PRDM16: variants seen among roughly 807,000 people sequenced by gnomAD.
PRDM16 encodes histone-lysine N-methyltransferase PRDM16.
Under a neutral mutation model 110.6 loss-of-function variants are expected in PRDM16, and 23 were observed. The ratio of observed to expected loss-of-function variants is 0.21; its 90% CI spans 0.15 to 0.29. The LOEUF (loss-of-function observed/expected upper bound fraction) is 0.29. Among genes scored for constraint, PRDM16 ranks in the 10% least tolerant of loss-of-function variants. The pLI, the probability that PRDM16 is intolerant of heterozygous loss-of-function variation, is 1.00. For synonymous variants in PRDM16, 799 were observed against 781.8 expected, an observed-to-expected ratio of 1.02 and a Z score of -0.37; for missense variants, 1,615 against 1,794.3, an observed-to-expected ratio of 0.90 and a Z score of 1.81.
At chr1:3,184,046 T>C (rs915862464) in intron 1 of PRDM16, among the ~76,000 whole-genome samples, 2 of 150,522 alleles carry the variant, frequency 1.3e-5, no homozygotes, top group African/African-American at 4.9e-5. Flanking sequence ...GGGCGGGGGT[T>C]ATGGGGGTGT....
At chr1:3,402,651 G>A (rs1569692817) in intron 5 of PRDM16, 140 bp from the exon 6 acceptor site, 1 of 683,288 alleles carries the variant, frequency 1.5e-6, no homozygotes, top group East Asian at 2.7e-5. Context: ...TTGAAGGCTG[G>A]AAGGAAGCAG....
chr1:3,072,467 C>G lies in PRDM16; in HGVS notation c.37+3171C>G, dbSNP rs577105125. The stretch of plus-strand genomic sequence containing the variant: ...TCCTCTCCACAAGTCCCATCTAGCC[C>G]CTGGGGTGGGGGAGCTGCAGCCCCC... On this transcript the variant is annotated intron_variant, in intron 1 of 16. Transcript: ENST00000270722. 2.6e-5 allele frequency among the ~76,000 whole-genome samples: 4 copies of G among 152,306 alleles called. No homozygotes were observed. In the South Asian group the frequency reaches 6.2e-4, roughly 24 times the overall value.
At chr1:3,131,794 C>T (rs921106705) in intron 1 of PRDM16, among the ~76,000 whole-genome samples, 1 of 152,174 alleles carries the variant, frequency 6.6e-6, no homozygotes, top group African/African-American at 2.4e-5. Flanking sequence ...GCCCAGGCTG[C>T]GTCCTGCAGT....
intron 3 of PRDM16, among the ~76,000 whole-genome samples, chr1:3,351,592 CT>C (rs1331770294): frequency 1.6e-3 from 9 of 5,612 alleles, no homozygotes; most frequent in Admixed American, 2.7e-3. Context: ...CCCTCCCTCT[CT>C]CTTCCCCTCC....
intron 1 of PRDM16, among the ~76,000 whole-genome samples, chr1:3,082,203 G>A (rs915078723): frequency 5.9e-5 from 9 of 152,158 alleles, no homozygotes; most frequent in African/African-American, 9.7e-5. Context: ...GGAGGCCCCC[G>A]CGGCCAGGCC....
intron 2 of PRDM16, among the ~76,000 whole-genome samples, chr1:3,229,371 G>A (rs1004867367): frequency 6.6e-5 from 10 of 152,112 alleles, no homozygotes; most frequent in African/African-American, 1.2e-4. Context: ...GCCCCTCCCC[G>A]GCCTCCCCTA....
chr1:3,147,086 G>A lies in PRDM16; in HGVS notation c.38-39039G>A, dbSNP rs546295557. Among the ~76,000 whole-genome samples, 82 of 145,878 alleles carry A rather than the reference G, an allele frequency of 5.6e-4. No homozygotes were observed. The East Asian group carries it at 0.01, about 18-fold the overall frequency. On this transcript the variant is annotated intron_variant, in intron 1 of 16. Coordinates refer to ENST00000270722, the MANE Select transcript of PRDM16 (RefSeq NM_022114.4). ...CAGTGTGGGGTGTGTGTATGTGTGC[G>A]CTCGGTGTGGGGTGTGTGTACGCGT... is the stretch of plus-strand genomic sequence containing the variant.
intron 3 of PRDM16, among the ~76,000 whole-genome samples, chr1:3,273,466 G>A (rs551037286): frequency 6.6e-6 from 1 of 152,100 alleles, no homozygotes; most frequent in East Asian, 1.9e-4. Context: ...GTGGGTGTGA[G>A]TGAATGTGTG....
Position 3,434,118 on chromosome 1 carries a change from C to G in PRDM16, c.*307C>G. Reference sequence around the variant, plus strand: ...GAATCAGCCAGTGGGCAGGTGGACGCTCTGCTGAGACAGAAGCTGGTGGCC... The same window carrying G: ...GAATCAGCCAGTGGGCAGGTGGACGGTCTGCTGAGACAGAAGCTGGTGGCC... On this transcript the variant is annotated 3_prime_UTR_variant, in exon 17 of 17. Coordinates refer to ENST00000270722, the MANE Select transcript of PRDM16 (RefSeq NM_022114.4). 2.7e-6 allele frequency: 1 copy of G among 365,596 alleles called. No homozygotes were observed. The highest frequency in any genetic ancestry group is 4.8e-5 in the South Asian group (1 of 20,644). The allele number at this position is 365,596 out of a possible 1,614,324, so 22.6% of individuals were successfully genotyped here.
In PRDM16 at chr1:3,301,213, C is replaced by T. The variant is rs186264710; in HGVS notation, c.438+57076C>T. Among the ~76,000 whole-genome samples the T allele has an allele frequency of 3.9e-5, 6 of 152,038 alleles. 1 individual carries two copies. The East Asian group carries it at 1.2e-3, about 29-fold the overall frequency. On this transcript the variant is annotated intron_variant, in intron 3 of 16. Transcript: ENST00000270722. ...GGATGTGATGGCATGTACCTGTAGTCCTAGCTACTCAGGAGGCTGAGGTTG... is the reference window on the plus strand; with the variant it reads ...GGATGTGATGGCATGTACCTGTAGTTCTAGCTACTCAGGAGGCTGAGGTTG...
chr1:3,081,299 C>A lies in PRDM16; in HGVS notation c.37+12003C>A, dbSNP rs182035204. 4.9e-4 allele frequency among the ~76,000 whole-genome samples: 75 copies of A among 152,322 alleles called. No homozygotes were observed. Among genetic ancestry groups the A allele is most frequent in the African/African-American group, 1.7e-3 (71 of 41,574 alleles). ...TGCTGGCACCTGATAAGGGGTCATT[C>A]TGTGCTCTTTCCAGAGGGTTTTAGG... On this transcript the variant is annotated intron_variant, in intron 1 of 16. Coordinates refer to ENST00000270722, the MANE Select transcript of PRDM16 (RefSeq NM_022114.4). This position sits in a 1 kb window ranked among gnomAD's most constrained non-coding sequence, Gnocchi z 4.6.
intron 2 of PRDM16, among the ~76,000 whole-genome samples, chr1:3,195,318 A>G (rs1322913568): frequency 6.6e-6 from 1 of 152,154 alleles, no homozygotes; most frequent in African/African-American, 2.4e-5. Flanking sequence ...GAAATCCTGC[A>G]CTATCTTCGG....
intron 3 of PRDM16, among the ~76,000 whole-genome samples, chr1:3,349,894 G>C (rs1642447869): frequency 6.6e-6 from 1 of 152,234 alleles, no homozygotes; most frequent in Non-Finnish European, 1.5e-5. Flanking sequence ...GGCTTGCTCA[G>C]GCGCCCTCTG....
At chr1:3,183,556 G>A (rs1644234074) in intron 1 of PRDM16, among the ~76,000 whole-genome samples, 1 of 152,246 alleles carries the variant, frequency 6.6e-6, no homozygotes, top group South Asian at 2.1e-4. Flanking sequence ...TGGAGGCTGT[G>A]GGCAATCGCT....
In PRDM16 at chr1:3,382,970, G is replaced by A. The variant is rs1328819951; in HGVS notation, c.439-2182G>A. Among the ~76,000 whole-genome samples, 2 of 152,172 alleles carry A rather than the reference G, an allele frequency of 1.3e-5. No homozygotes were observed. Among genetic ancestry groups the A allele is most frequent in the East Asian group, 1.9e-4 (1 of 5,196 alleles). On this transcript the variant is annotated intron_variant, in intron 3 of 16. Transcript: ENST00000270722. This position sits in a 1 kb window ranked among gnomAD's most constrained non-coding sequence, Gnocchi z 6.6. ...TCGTTTGTATATTGAGCATCCCCCC[G>A]CCGCCAATGTTTTCCTCGGGCTCCA...
intron 12 of PRDM16, among the ~76,000 whole-genome samples, chr1:3,421,906 A>G (rs1360584641): frequency 1.3e-5 from 2 of 151,392 alleles, no homozygotes; most frequent in Non-Finnish European, 3.0e-5. Context: ...ATAGGCAGGC[A>G]AACAGACAGG....
At chr1:3,212,288 TC>T (rs972117218) in intron 2 of PRDM16, among the ~76,000 whole-genome samples, 5 of 152,140 alleles carry the variant, frequency 3.3e-5, no homozygotes, top group African/African-American at 1.2e-4. Context: ...TCCTCATTTG[TC>T]CCCGCTGGGG....
chr1:3,087,510 C>T (rs567983408), intron 1 of PRDM16, among the ~76,000 whole-genome samples: 72 of 152,166 alleles, frequency 4.7e-4, no homozygotes, highest in Non-Finnish European at 7.3e-4. Flanking sequence ...GCTACTCAGC[C>T]CCAAAAGAGG....
chr1:3,409,731 AGTGTGGGTGTGTGTGTG>A (rs889322181), intron 8 of PRDM16, among the ~76,000 whole-genome samples: 12 of 104,182 alleles, frequency 1.2e-4, no homozygotes, highest in Non-Finnish European at 2.0e-4. Context: ...TGGTGTGTGT[AGTGTGGGTGTGTGTGTG>A]GTGTGGGTGT....
Sources: gnomAD v4.1 joint callset for allele counts (sites outside exome capture counted in the v4.1 genomes callset) on GRCh38, gnomAD v4.1.1 for gene constraint, Gnocchi (gnomAD v3.1) non-coding constraint, MANE v1.5 for transcripts, NCBI Gene and HGNC (gene_info 2026-07-23, HGNC 2026-07-21) for gene names.